NDST4: variants seen among roughly 807,000 people sequenced by gnomAD.
NDST4 encodes the protein N-deacetylase and N-sulfotransferase 4.
A neutral mutation model predicts 100.8 loss-of-function variants in NDST4; 63 were observed. The observed-to-expected ratio is 0.62, with a 90% CI of 0.51 to 0.77. NDST4 has a LOEUF of 0.77. Ranked by LOEUF, NDST4 falls within the 30% of genes least tolerant of loss-of-function variation. The pLI, the probability that NDST4 is intolerant of heterozygous loss-of-function variation, is 0.00. For synonymous variants in NDST4, 377 were observed against 361.8 expected (o/e 1.04, Z -0.48); for missense variants, 943 against 1,018.4 (o/e 0.93, Z 1.01).
intron 3 of NDST4, among the ~76,000 whole-genome samples, chr4:114,971,923 A>G (rs1309693448): frequency 6.6e-6 from 1 of 152,030 alleles, no homozygotes; most frequent in Non-Finnish European, 1.5e-5. Context: ...GTTTTAAAAT[A>G]GGATTATAAA....
intron 6 of NDST4, among the ~76,000 whole-genome samples, chr4:114,900,973 T>C (rs1455418159): frequency 6.6e-6 from 1 of 152,054 alleles, no homozygotes; most frequent in East Asian, 1.9e-4. Flanking sequence ...CTATTATTGA[T>C]TTCTAGTTTA....
At chr4:114,892,071 T>C (rs558080659) in intron 6 of NDST4, among the ~76,000 whole-genome samples, 1 of 152,292 alleles carries the variant, frequency 6.6e-6, no homozygotes, top group African/African-American at 2.4e-5. Context: ...AATTGCCATT[T>C]TGTAGGACAA....
intron 6 of NDST4, among the ~76,000 whole-genome samples, chr4:114,895,188 C>A (rs1039833007): frequency 6.6e-6 from 1 of 151,720 alleles, no homozygotes; most frequent in Admixed American, 6.6e-5. Flanking sequence ...AGAAAATCAA[C>A]GAATCCAGGA....
chr4:114,871,584 A>G (rs967288146), intron 6 of NDST4, among the ~76,000 whole-genome samples: 2 of 152,126 alleles, frequency 1.3e-5, no homozygotes, highest in African/African-American at 4.8e-5. Flanking sequence ...TGGTATGGAA[A>G]GAGCAAGCAA....
chr4:115,016,993 GTA>G (rs980073918), intron 2 of NDST4, among the ~76,000 whole-genome samples: 124 of 146,764 alleles, frequency 8.4e-4, no homozygotes, highest in African/African-American at 2.9e-3. Flanking sequence ...GTTCATGTGT[GTA>G]TGTGTGTGTG....
chr4:114,862,295 C>A (rs1217627375), intron 7 of NDST4, among the ~76,000 whole-genome samples: 3 of 152,118 alleles, frequency 2.0e-5, no homozygotes, highest in Non-Finnish European at 2.9e-5. Flanking sequence ...AATGAGTACA[C>A]CATCACTTTA....
At chr4:114,869,990 A>T (rs1448705207) in intron 7 of NDST4, among the ~76,000 whole-genome samples, 1 of 152,150 alleles carries the variant, frequency 6.6e-6, no homozygotes, top group Non-Finnish European at 1.5e-5. Flanking sequence ...ATTAATGGTG[A>T]TGCTACTTTC....
At chr4:114,844,927 G>T (rs186784557) in intron 10 of NDST4, among the ~76,000 whole-genome samples, 1 of 152,250 alleles carries the variant, frequency 6.6e-6, no homozygotes, top group African/African-American at 2.4e-5. Flanking sequence ...ATTGCCAAAT[G>T]AGTTTTCAGA....
chr4:115,066,142 T>G (rs1177653175), intron 2 of NDST4, among the ~76,000 whole-genome samples: 1 of 152,222 alleles, frequency 6.6e-6, no homozygotes, highest in Non-Finnish European at 1.5e-5. Flanking sequence ...GTCCTGTCTC[T>G]ACTACTGAAA....
intron 2 of NDST4, among the ~76,000 whole-genome samples, chr4:115,052,099 A>G (rs1486943398): frequency 2.0e-5 from 3 of 152,142 alleles, no homozygotes; most frequent in Non-Finnish European, 1.5e-5. Flanking sequence ...ACATCTGTTC[A>G]GATCTTTTGT....
At chr4:115,069,477 T>TA (rs1175274796) in intron 2 of NDST4, among the ~76,000 whole-genome samples, 1 of 151,926 alleles carries the variant, frequency 6.6e-6, no homozygotes, top group East Asian at 1.9e-4. Context: ...AACAACCCAT[T>TA]AAAAAATGGG....
At chr4:114,927,291 T>A (rs1258701624) in intron 6 of NDST4, among the ~76,000 whole-genome samples, 1 of 151,822 alleles carries the variant, frequency 6.6e-6, no homozygotes, top group Non-Finnish European at 1.5e-5. Flanking sequence ...TATAAGAACA[T>A]AGAAATCACG....
intron 1 of NDST4, among the ~76,000 whole-genome samples, chr4:115,082,061 C>A (rs1438998816): frequency 6.6e-6 from 1 of 152,064 alleles, no homozygotes; most frequent in African/African-American, 2.4e-5. Context: ...GGCTTCATGA[C>A]CCCTGCACAG....
At chr4:114,846,457 C>T (rs909343805) in intron 9 of NDST4, among the ~76,000 whole-genome samples, 2 of 152,176 alleles carry the variant, frequency 1.3e-5, no homozygotes, top group African/African-American at 2.4e-5. Context: ...AGCTATAAAA[C>T]ACCAACAATT....
intron 2 of NDST4, among the ~76,000 whole-genome samples, chr4:115,044,668 C>A (rs1728427253): frequency 7.0e-6 from 1 of 142,774 alleles, no homozygotes. Context: ...TGTTAGGAAA[C>A]AAGACACCAT....
At chr4:115,092,233 AT>A (rs201522212) in intron 1 of NDST4, among the ~76,000 whole-genome samples, 4 of 152,058 alleles carry the variant, frequency 2.6e-5, no homozygotes, top group South Asian at 2.1e-4. Context: ...CCTAAAAGGA[AT>A]TTTTTTTCTG....
intron 1 of NDST4, among the ~76,000 whole-genome samples, chr4:115,084,992 A>G (rs973208019): frequency 1.3e-5 from 2 of 152,154 alleles, no homozygotes; most frequent in African/African-American, 4.8e-5. Flanking sequence ...AAAGCCACAG[A>G]CACTGAATAC....
chr4:115,084,938 C>T (rs1467111721), intron 1 of NDST4, among the ~76,000 whole-genome samples: 1 of 152,096 alleles, frequency 6.6e-6, no homozygotes, highest in Admixed American at 6.5e-5. Context: ...ATCCCCTAGA[C>T]CCCAGAATGG....
At chr4:114,874,423 T>C (rs1225026019) in intron 6 of NDST4, among the ~76,000 whole-genome samples, 1 of 152,192 alleles carries the variant, frequency 6.6e-6, no homozygotes, top group African/African-American at 2.4e-5. Flanking sequence ...TGAGGCATGC[T>C]GCTGCATTTA....
Sources: gnomAD v4.1 joint callset for allele counts (sites outside exome capture counted in the v4.1 genomes callset) on GRCh38, gnomAD v4.1.1 for gene constraint, MANE v1.5 for transcripts, NCBI Gene and HGNC (gene_info 2026-07-23, HGNC 2026-07-21) for gene names.